TAF6: variants seen among roughly 807,000 people sequenced by gnomAD.
TAF6 encodes the protein transcription initiation factor TFIID subunit 6.
A neutral mutation model predicts 73.5 loss-of-function variants in TAF6; 50 were observed. That is an observed-to-expected ratio of 0.68 (90% CI 0.54 to 0.86). TAF6 has a LOEUF of 0.86. Ranked by LOEUF, TAF6 falls within the 40% of genes least tolerant of loss-of-function variation. TAF6 has a pLI of 0.00. For synonymous variants in TAF6, 424 were observed against 376.7 expected (o/e 1.13, Z -1.45); for missense variants, 768 against 899.5 (o/e 0.85, Z 1.87).
intron 5 of TAF6, among the ~76,000 whole-genome samples, 191 bp downstream of exon 5, chr7:100,113,158 C>G (rs1267058258): frequency 6.6e-6 from 1 of 152,028 alleles, no homozygotes; most frequent in Non-Finnish European, 1.5e-5. Flanking sequence ...CCCAGCTACT[C>G]AGGAGGCTGA....
In TAF6 at chr7:100,107,231, C is replaced by T; in HGVS notation, c.*15G>A. ...GTCTGCATGTGTGGGAATCCGGGGG[C>T]TGGCAGGTGGAGCATCACGGAGCAG... On this transcript the variant is annotated 3_prime_UTR_variant, in exon 15 of 15. Coordinates refer to ENST00000453269, the MANE Select transcript of TAF6 (RefSeq NM_139315.3). 6.6e-7 allele frequency: 1 copy of T among 1,520,126 alleles called. No individual in the cohort carries two copies. The highest frequency in any genetic ancestry group is 8.8e-7 in the Non-Finnish European group (1 of 1,137,090). 94.2% of individuals were successfully genotyped at this position (1,520,126 alleles called of 1,614,324 possible).
chr7:100,124,763 G>A, upstream of TAF6: 1 of 1,613,936 alleles, frequency 6.2e-7, no homozygotes, highest in Non-Finnish European at 8.5e-7. Context: ...GGAGATCACA[G>A]ATGGGGAAGA....
intron 13 of TAF6, 24 bp from the exon 14 acceptor site, chr7:100,108,147 G>T (rs1428779321): frequency 1.3e-6 from 2 of 1,574,220 alleles, no homozygotes. Flanking sequence ...AGGAAAGGGG[G>T]AAGTGGCACC....
At position 100,108,011 on chromosome 7, in the gene TAF6, C is replaced by T. The variant is rs1261952761; in HGVS notation, c.1571G>A (p.Arg524Gln). Residue 524 changes from arginine to glutamine, a missense_variant, in exon 14 of 15, where the codon CGA (arginine) becomes CAA (glutamine). Transcript: ENST00000453269. ...ALPVQTLVSA[R>Q]AAAPPQPSPP... The stretch of plus-strand genomic sequence containing the variant: ...GGAAGGCTGTGGTGGGGCAGCCGCT[C>T]GTGCAGACACCAGTGTCTGGACAGG... The T allele has an allele frequency of 6.2e-6, 10 of 1,613,830 alleles. No homozygotes were observed. The highest frequency in any genetic ancestry group is 1.1e-5 in the South Asian group (1 of 91,046).
At chr7:100,119,492 C>T, upstream of TAF6, 1 of 1,352,880 alleles carries the variant, frequency 7.4e-7, no homozygotes, top group Non-Finnish European at 9.7e-7. Context: ...ATAAGGAGCA[C>T]TCCCTCTTGG....
At chr7:100,112,370 T>TC in intron 6 of TAF6, 117 bp from the exon 7 acceptor site, 4 of 1,399,268 alleles carry the variant, frequency 2.9e-6, no homozygotes, top group African/African-American at 2.9e-5. Flanking sequence ...CTTCTTAGGC[T>TC]CCCCCATCCT....
At chr7:100,121,112 ATATATTTTTTTTTTTTTTT>A (rs1798041843), upstream of TAF6, 6 of 30,706 alleles carry the variant, frequency 2.0e-4, no homozygotes, top group South Asian at 7.0e-3. Flanking sequence ...ATATATATAT[ATATATTTTTTTTTTTTTTT>A]TTTTTTTTTT....
At chr7:100,114,585 T>C (rs1797521167) in intron 1 of TAF6, 1 of 564,286 alleles carries the variant, frequency 1.8e-6, no homozygotes, top group Non-Finnish European at 3.2e-6. Context: ...CAGGGCGTGG[T>C]AGTGCACACC....
Position 100,112,242 on chromosome 7 carries a change from T to C in TAF6, c.586A>G (p.Lys196Glu), listed in dbSNP as rs540771923. 44 of 1,613,100 alleles carry C rather than the reference T, an allele frequency of 2.7e-5. No individual in the cohort carries two copies. Among genetic ancestry groups the C allele is most frequent in the South Asian group, 1.3e-4 (12 of 91,010 alleles). ...TTADGKGKEK[K>E]APPLLEGAPL... ...GCCCCCTCCAGCAAGGGCGGCGCCT[T>C]CTTCTCTTTCCCTGTGTGATTGGAA... Residue 196 changes from lysine to glutamate, a missense_variant, in exon 7 of 15, where the codon AAG becomes GAG. Physicochemically the swap from Lys to Glu is moderately conservative, Grantham distance 56. This residue lies in a region of TAF6 where 269 missense variants were observed against 268.0 expected (regional missense o/e 1.00). Coordinates refer to ENST00000453269, the MANE Select transcript of TAF6 (RefSeq NM_139315.3).
In TAF6 at chr7:100,107,247, C is replaced by T. The variant is rs1796607109; in HGVS notation, c.2033G>A (p.Ter678=). The part of the protein sequence containing the change: ...PNSGSPQPAP[*] ...ATCCGGGGGCTGGCAGGTGGAGCAT[C>T]ACGGAGCAGGCTGAGGGGAGCCGGA... The change falls in exon 15 of 15, where the codon TGA becomes TAA. Residue 678 remains the stop codon, a stop_retained_variant. Transcript: ENST00000453269. 6.6e-7 allele frequency: 1 copy of T among 1,523,184 alleles called. No homozygotes were observed. Among genetic ancestry groups the T allele is most frequent in the African/African-American group, 1.4e-5 (1 of 71,900 alleles). 94.4% of individuals were successfully genotyped at this position (1,523,184 alleles called of 1,614,324 possible). A position where few individuals can be genotyped will look rare whatever the true frequency, so the allele number is the denominator to read the frequency against.
At chr7:100,124,030 A>G (rs1292376738), upstream of TAF6, among the ~76,000 whole-genome samples, 1 of 151,838 alleles carries the variant, frequency 6.6e-6, no homozygotes, top group East Asian at 2.0e-4. Flanking sequence ...CCAGCTACTC[A>G]GGAAGCTGAG....
upstream of TAF6, chr7:100,119,405 C>T (rs1797949564): frequency 8.6e-7 from 1 of 1,162,256 alleles, no homozygotes; most frequent in South Asian, 2.1e-5. Context: ...AGTCACTGCC[C>T]CTTCCCCGTA....
At chr7:100,124,224 C>G (rs1032143827), upstream of TAF6, among the ~76,000 whole-genome samples, 2 of 151,706 alleles carry the variant, frequency 1.3e-5, no homozygotes, top group African/African-American at 4.8e-5. Flanking sequence ...GGACCAGATA[C>G]TTTGCATCTG....
rs903662929 is a variant in TAF6, at chr7:100,111,615, G to A, written c.900+113C>T. 19 of 1,143,914 alleles carry A rather than the reference G, an allele frequency of 1.7e-5. No homozygotes were observed. The East Asian group carries it at 2.6e-4, about 16-fold the overall frequency. The allele number at this position is 1,143,914 out of a possible 1,614,324, so 70.9% of individuals were successfully genotyped here. A position where few individuals can be genotyped will look rare whatever the true frequency, so the allele number is the denominator to read the frequency against. ...TGAGCTCAAGCAATCCTCCCACTTC[G>A]GCCTCCCAAAGTTGCTGGGATTTCA... On this transcript the variant is annotated intron_variant, in intron 9 of 14. Coordinates refer to ENST00000453269, the MANE Select transcript of TAF6 (RefSeq NM_139315.3).
Position 100,110,293 on chromosome 7 carries a change from A to G in TAF6, c.1084-19T>C. 1 of 1,613,650 alleles carries G rather than the reference A, an allele frequency of 6.2e-7. No individual in the cohort carries two copies. The highest frequency in any genetic ancestry group is 8.5e-7 in the Non-Finnish European group (1 of 1,179,568). ...CCCAGCTCTGTAAGGGGAAGGAAATAAACTAAGATGAAGGGGTCTGAAAGG... is the reference window on the plus strand; with the variant it reads ...CCCAGCTCTGTAAGGGGAAGGAAATGAACTAAGATGAAGGGGTCTGAAAGG... On this transcript the variant is annotated intron_variant, in intron 10 of 14. Coordinates refer to ENST00000453269, the MANE Select transcript of TAF6 (RefSeq NM_139315.3).
intron 12 of TAF6, among the ~76,000 whole-genome samples, 172 bp downstream of exon 12, chr7:100,109,776 T>C (rs1208180003): frequency 3.3e-5 from 5 of 152,096 alleles, no homozygotes; most frequent in Non-Finnish European, 7.4e-5. Flanking sequence ...AGCCCCCTTA[T>C]TTCTTACTCA....
At chr7:100,118,938 C>T (rs1237716224) in intron 1 of TAF6, 21 of 985,298 alleles carry the variant, frequency 2.1e-5, no homozygotes, top group Non-Finnish European at 2.5e-5. Flanking sequence ...TGGCGAACTC[C>T]TACGAATCCT....
chr7:100,127,124 G>C, the TAF6 span: 1 of 498,326 alleles, frequency 2.0e-6, no homozygotes, highest in Non-Finnish European at 3.6e-6. The surrounding 1 kb of genome is among the most constrained non-coding windows in gnomAD (Gnocchi z 4.6). Context: ...GGAGGGTGAC[G>C]GGCAAGGACG....
rs749666042 is a variant in TAF6 at position 100,108,552 on chromosome 7, A to G, written c.1285-12T>C. On this transcript the variant is annotated splice_polypyrimidine_tract_variant and intron_variant, in intron 12 of 14. Coordinates refer to ENST00000453269, the MANE Select transcript of TAF6 (RefSeq NM_139315.3). ...GGAGCACAGTGTTTCTGCAGAACAG[A>G]AAAAAAGCCAGGTAGAGGGAGGGCT... 2 of 1,582,464 alleles carry G rather than the reference A, an allele frequency of 1.3e-6. No individual in the cohort carries two copies. Among genetic ancestry groups the G allele is most frequent in the Non-Finnish European group, 1.7e-6 (2 of 1,158,908 alleles).
Sources: gnomAD v4.1 joint callset for allele counts (sites outside exome capture counted in the v4.1 genomes callset) on GRCh38, gnomAD v4.1.1 for gene constraint, gnomAD v4.1.1 regional missense constraint, Gnocchi (gnomAD v3.1) non-coding constraint, MANE v1.5 for transcripts, NCBI Gene and HGNC (gene_info 2026-07-23, HGNC 2026-07-21) for gene names.